GPR83: variants seen among roughly 807,000 people sequenced by gnomAD.
GPR83 encodes G-protein coupled receptor 72.
In GPR83, 23 loss-of-function variants were observed where a neutral mutation model predicts 28.0. The ratio of observed to expected loss-of-function variants is 0.82; its 90% CI spans 0.59 to 1.16. The LOEUF (loss-of-function observed/expected upper bound fraction) is 1.16. Among genes scored for constraint, GPR83 ranks in the 50% most tolerant of loss-of-function variants. The pLI is 0.00. For missense variants in GPR83, 610 were observed against 536.6 expected (o/e 1.14, Z -1.35); for synonymous variants, 234 against 215.4 (o/e 1.09, Z -0.76).
chr11:94,385,853 C>A (rs1944749174), intron 3 of GPR83, among the ~76,000 whole-genome samples: 1 of 152,100 alleles, frequency 6.6e-6, no homozygotes, highest in African/African-American at 2.4e-5. Context: ...GAGAATGCCA[C>A]AAAAGTACTG....
Position 94,401,147 on chromosome 11 carries a change from G to A in GPR83, c.101C>T (p.Ala34Val), listed in dbSNP as rs766472277. The A allele has an allele frequency of 1.9e-6, 3 of 1,614,194 alleles. No individual in the cohort carries two copies. The highest frequency in any genetic ancestry group is 2.5e-6 in the Non-Finnish European group (3 of 1,180,016). The change falls in exon 1 of 4, where the codon GCC becomes GTC. Residue 34 changes from alanine to valine, a missense_variant. Transcript: ENST00000243673. ...GAAGAAGTGCGAGGCATTGGGCACG[G>A]CCAGGGCCGCCTCCGCGCTCTGCTC... ...ADEQSAEAAL[A>V]VPNASHFFSW...
intron 1 of GPR83, among the ~76,000 whole-genome samples, chr11:94,399,238 C>A (rs1362447578): frequency 6.6e-6 from 1 of 152,144 alleles, no homozygotes; most frequent in African/African-American, 2.4e-5. Flanking sequence ...TTGAGACACC[C>A]AGGGAGGAGG....
chr11:94,382,960 T>C (rs7118360), intron 3 of GPR83, among the ~76,000 whole-genome samples: 147,731 of 151,880 alleles, frequency 0.97, 71,960 homozygotes, highest in East Asian at 1. Flanking sequence ...GTCAGGAGCT[T>C]GAGACCATCC....
chr11:94,397,048 T>C (rs545706336), intron 1 of GPR83, among the ~76,000 whole-genome samples: 25 of 152,186 alleles, frequency 1.6e-4, no homozygotes, highest in Non-Finnish European at 2.5e-4. Context: ...CCACACAAGT[T>C]CACTCTAGTA....
intron 3 of GPR83, among the ~76,000 whole-genome samples, chr11:94,390,543 GC>G (rs1476038355): frequency 4.6e-5 from 7 of 152,184 alleles, no homozygotes; most frequent in African/African-American, 1.7e-4. Context: ...GTCTCTGTTT[GC>G]AGATGACATG....
chr11:94,386,691 C>T (rs1443111198), intron 3 of GPR83, among the ~76,000 whole-genome samples: 1 of 152,172 alleles, frequency 6.6e-6, no homozygotes, highest in East Asian at 1.9e-4. Context: ...TCCTTAGAGA[C>T]CTACAAAGAG....
At chr11:94,384,353 T>A (rs894199398) in intron 3 of GPR83, among the ~76,000 whole-genome samples, 1 of 152,108 alleles carries the variant, frequency 6.6e-6, no homozygotes, top group Admixed American at 6.5e-5. Flanking sequence ...AAGAACTATT[T>A]ATGGGGTGGT....
At chr11:94,396,633 CTTCT>C (rs1340517145) in intron 1 of GPR83, 109 bp from the exon 2 acceptor site, 81 of 1,044,146 alleles carry the variant, frequency 7.8e-5, no homozygotes, top group Non-Finnish European at 8.3e-5. Flanking sequence ...CAGCTCCTCC[CTTCT>C]TTCTGTCTAT....
intron 3 of GPR83, among the ~76,000 whole-genome samples, chr11:94,390,946 G>A (rs977018497): frequency 1.3e-5 from 2 of 152,074 alleles, no homozygotes; most frequent in Non-Finnish European, 2.9e-5. Context: ...CTACCACTGA[G>A]TTTCTTCACA....
In GPR83 at chr11:94,396,521, G is replaced by T. The variant is rs147783996; in HGVS notation, c.391C>A (p.Arg131Ser). ...TLLNTPFTLV[R>S]FVNSTWIFGK... is the part of the protein sequence containing the mutation. Reference sequence around the variant, plus strand: ...AATATCCATGTGCTGTTCACAAAGCGAACCTGGAGATGAGCCCAAAGATGT... The same window carrying T: ...AATATCCATGTGCTGTTCACAAAGCTAACCTGGAGATGAGCCCAAAGATGT... Residue 131 changes from arginine (R) to serine (S), a missense_variant, in exon 2 of 4, where the codon CGC becomes AGC. Coordinates refer to ENST00000243673, the MANE Select transcript of GPR83 (RefSeq NM_016540.4). 6.2e-7 allele frequency: 1 copy of T among 1,613,646 alleles called. No homozygotes were observed. Among genetic ancestry groups the T allele is most frequent in the Non-Finnish European group, 8.5e-7 (1 of 1,179,586 alleles).
chr11:94,388,802 T>C (rs915276350), intron 3 of GPR83, among the ~76,000 whole-genome samples: 4 of 152,140 alleles, frequency 2.6e-5, no homozygotes, highest in African/African-American at 9.7e-5. Context: ...GTGACTTTCT[T>C]CACAGAATTG....
Position 94,380,789 on chromosome 11 carries a change from G to T in GPR83, c.648-16C>A, listed in dbSNP as rs1053130167. 5 of 1,593,172 alleles carry T rather than the reference G, an allele frequency of 3.1e-6. No individual in the cohort carries two copies. The highest frequency in any genetic ancestry group is 1.7e-5 in the Admixed American group (1 of 59,256). On this transcript the variant is annotated splice_polypyrimidine_tract_variant and intron_variant, in intron 3 of 3. Transcript: ENST00000243673. ...AATGTCCTCACTGGGGGCAGGAAGT[G>T]GGGAGGGGGAGAGAGGTAACAGAAA...
chr11:94,401,355 C>T lies in GPR83; in HGVS notation c.-108G>A, dbSNP rs999757649. ...GGGCGCACAGCATACAAGGCCGTCCCGAGGAGCCAGGGAGCCCGGACGCGC... is the reference window on the plus strand; with the variant it reads ...GGGCGCACAGCATACAAGGCCGTCCTGAGGAGCCAGGGAGCCCGGACGCGC... On this transcript the variant is annotated 5_prime_UTR_variant, in exon 1 of 4. Coordinates refer to ENST00000243673, the MANE Select transcript of GPR83 (RefSeq NM_016540.4). 7 of 1,110,368 alleles carry T rather than the reference C, an allele frequency of 6.3e-6. No homozygotes were observed. Among genetic ancestry groups the T allele is most frequent in the African/African-American group, 1.6e-5 (1 of 60,776 alleles). 68.8% of individuals were successfully genotyped at this position (1,110,368 alleles called of 1,614,324 possible).
intron 3 of GPR83, among the ~76,000 whole-genome samples, chr11:94,384,711 T>C (rs1944730948): frequency 6.6e-6 from 1 of 152,158 alleles, no homozygotes; most frequent in African/African-American, 2.4e-5. Flanking sequence ...GAAGCTTGAA[T>C]TGGGTGGAGC....
At chr11:94,389,201 G>T (rs547068739) in intron 3 of GPR83, among the ~76,000 whole-genome samples, 7 of 152,116 alleles carry the variant, frequency 4.6e-5, no homozygotes, top group African/African-American at 1.4e-4. Context: ...TTAAATGTTA[G>T]ACCTAAAACC....
At chr11:94,388,297 A>C (rs943334238) in intron 3 of GPR83, among the ~76,000 whole-genome samples, 3 of 152,192 alleles carry the variant, frequency 2.0e-5, no homozygotes, top group African/African-American at 7.2e-5. Flanking sequence ...ACTCCTATTC[A>C]ACACAGTGTT....
At chr11:94,394,867 G>C (rs964169912) in intron 2 of GPR83, among the ~76,000 whole-genome samples, 1 of 152,176 alleles carries the variant, frequency 6.6e-6, no homozygotes, top group Non-Finnish European at 1.5e-5. Flanking sequence ...TGGTCAACAT[G>C]AGCAAGGCTT....
intron 3 of GPR83, among the ~76,000 whole-genome samples, chr11:94,387,928 C>T (rs539440066): frequency 2.6e-5 from 4 of 152,136 alleles, no homozygotes; most frequent in Non-Finnish European, 4.4e-5. Flanking sequence ...ATCCTCAATA[C>T]AATACTGGCA....
Position 94,379,883 on chromosome 11 carries a change from T to G in GPR83, c.*266A>C, listed in dbSNP as rs1020952051. On this transcript the variant is annotated 3_prime_UTR_variant, in exon 4 of 4. Transcript: ENST00000243673. ...GCCCCCATCTGGGCCAACGTTGTCC[T>G]CGCTCCTCTTCCTCAGAGATACAGG... 6.5e-6 allele frequency: 2 copies of G among 307,476 alleles called. No homozygotes were observed. The highest frequency in any genetic ancestry group is 4.3e-5 in the African/African-American group (2 of 46,624). The allele number at this position is 307,476 out of a possible 1,614,324, so 19.0% of individuals were successfully genotyped here.
Sources: gnomAD v4.1 joint callset for allele counts (sites outside exome capture counted in the v4.1 genomes callset) on GRCh38, gnomAD v4.1.1 for gene constraint, MANE v1.5 for transcripts, NCBI Gene and HGNC (gene_info 2026-07-23, HGNC 2026-07-21) for gene names.